The following MEGF10 variants were observed in gnomAD, a reference collection of about 807,000 sequenced individuals.
The protein encoded by MEGF10 is multiple epidermal growth factor-like domains protein 10.
In MEGF10, 86 loss-of-function variants were observed where a neutral mutation model predicts 147.5. The observed-to-expected ratio is 0.58, with a 90% CI of 0.49 to 0.70. The LOEUF (loss-of-function observed/expected upper bound fraction) is 0.70. MEGF10 is among the 30% of genes least tolerant of loss of function. The probability of loss-of-function intolerance (pLI) is 0.00; values close to 1 mark genes in which losing one functional copy is unlikely to be tolerated. For missense variants in MEGF10, 1,329 were observed against 1,487.3 expected, an observed-to-expected ratio of 0.89 and a Z score of 1.75; for synonymous variants, 478 against 525.5, an observed-to-expected ratio of 0.91 and a Z score of 1.24.
At chr5:127,423,754 A>G (rs1765110868) in intron 13 of MEGF10, among the ~76,000 whole-genome samples, 1 of 152,100 alleles carries the variant, frequency 6.6e-6, no homozygotes, top group Non-Finnish European at 1.5e-5. Context: ...ATGGCGTTAT[A>G]ATCTTTATAT....
chr5:127,424,981 A>T (rs558488411), intron 13 of MEGF10, among the ~76,000 whole-genome samples: 1 of 152,366 alleles, frequency 6.6e-6, no homozygotes, highest in South Asian at 2.1e-4. Flanking sequence ...GAGAGACCAC[A>T]TCATTTGTTT....
chr5:127,432,384 A>G (rs1475276244), intron 13 of MEGF10, among the ~76,000 whole-genome samples: 1 of 152,228 alleles, frequency 6.6e-6, no homozygotes, highest in Non-Finnish European at 1.5e-5. Context: ...CCGTCTCAGC[A>G]TCGTGGTACT....
chr5:127,362,790 TATG>T (rs1463443534), intron 4 of MEGF10, among the ~76,000 whole-genome samples: 1 of 152,260 alleles, frequency 6.6e-6, no homozygotes, highest in African/African-American at 2.4e-5. Flanking sequence ...TTATGGTTAA[TATG>T]ATTATTGATG....
At chr5:127,447,482 T>G in intron 20 of MEGF10, 75 bp from the exon 21 acceptor site, 1 of 1,598,790 alleles carries the variant, frequency 6.3e-7, no homozygotes, top group Non-Finnish European at 8.5e-7. Context: ...GGGCCTGTTT[T>G]GTTATTTTGA....
chr5:127,416,785 GGTA>G (rs959961353), intron 9 of MEGF10, among the ~76,000 whole-genome samples: 1 of 152,186 alleles, frequency 6.6e-6, no homozygotes, highest in African/African-American at 2.4e-5. Context: ...AGGCTACTTA[GGTA>G]GTGGGAGAAC....
the MEGF10 span, among the ~76,000 whole-genome samples, chr5:127,283,919 G>C: frequency 6.6e-6 from 1 of 152,134 alleles, no homozygotes; most frequent in African/African-American, 2.4e-5. Flanking sequence ...ACTAAGCTAG[G>C]GGAAATAAAC....
intron 4 of MEGF10, among the ~76,000 whole-genome samples, chr5:127,369,129 C>T (rs1056549038): frequency 5.9e-5 from 9 of 152,104 alleles, no homozygotes; most frequent in Non-Finnish European, 1.3e-4. Context: ...TTAAGTCGTT[C>T]TCACAATTAT....
the MEGF10 span, among the ~76,000 whole-genome samples, chr5:127,255,731 T>G: frequency 6.6e-6 from 1 of 152,204 alleles, no homozygotes; most frequent in African/African-American, 2.4e-5. Flanking sequence ...AATATGGATT[T>G]TGAATCCATC....
intron 1 of MEGF10, among the ~76,000 whole-genome samples, chr5:127,322,087 AT>A (rs1387054889): frequency 6.7e-6 from 1 of 148,848 alleles, no homozygotes; most frequent in South Asian, 2.2e-4. Flanking sequence ...AAAAAAAAAA[AT>A]AATAATGCTT....
intron 13 of MEGF10, among the ~76,000 whole-genome samples, chr5:127,432,269 A>G (rs6866678): frequency 0.74 from 112,489 of 152,156 alleles, 42,185 homozygotes; most frequent in Middle Eastern, 0.86. Flanking sequence ...GTACCAATTA[A>G]CAACATTCAC....
At chr5:127,407,648 A>G (rs1764384258) in intron 8 of MEGF10, among the ~76,000 whole-genome samples, 1 of 152,124 alleles carries the variant, frequency 6.6e-6, no homozygotes, top group Non-Finnish European at 1.5e-5. Context: ...TGCATTTCCT[A>G]TTTCACTGAT....
intron 2 of MEGF10, among the ~76,000 whole-genome samples, chr5:127,333,239 G>A (rs1761334841): frequency 6.6e-6 from 1 of 152,098 alleles, no homozygotes; most frequent in African/African-American, 2.4e-5. Context: ...AAAAAGGTTG[G>A]GTGCGGTGGC....
intron 13 of MEGF10, chr5:127,424,393 A>G (rs1765139436): frequency 1.3e-6 from 1 of 797,516 alleles, no homozygotes; most frequent in Non-Finnish European, 2.1e-6. Flanking sequence ...TAACATCAAT[A>G]TGTTAATTTC....
intron 16 of MEGF10, 63 bp from the exon 17 acceptor site, chr5:127,438,376 A>G: frequency 6.3e-7 from 1 of 1,576,246 alleles, no homozygotes; most frequent in Non-Finnish European, 8.7e-7. Flanking sequence ...AGGTGGATGG[A>G]ATTCTCCCTA....
rs1205969779 is a variant in MEGF10 at position 127,417,758 on chromosome 5, T to C, written c.1251T>C (p.Asn417=). ...GCCAGCAGATCTGCAGCTGCCAAAA[T>C]GGGGCAGACTGTGACAGTGTGACTG... The part of the protein sequence containing the change: ...EACQQICSCQ[N]GADCDSVTGK... Residue 417 remains asparagine, a synonymous_variant, in exon 10 of 25, where the codon AAT becomes AAC. Coordinates refer to ENST00000503335, the MANE Select transcript of MEGF10 (RefSeq NM_001256545.2). The C allele has an allele frequency of 1.2e-6, 2 of 1,614,068 alleles. No individual in the cohort carries two copies. Among genetic ancestry groups the C allele is most frequent in the East Asian group, 2.2e-5 (1 of 44,882 alleles).
At chr5:127,363,611 C>G (rs1311226326) in intron 4 of MEGF10, among the ~76,000 whole-genome samples, 1 of 152,072 alleles carries the variant, frequency 6.6e-6, no homozygotes, top group Non-Finnish European at 1.5e-5. Flanking sequence ...GGCCCTGGTA[C>G]AAGTAAGATT....
At chr5:127,440,650 G>A in intron 17 of MEGF10, 89 bp from the exon 18 acceptor site, 2 of 1,421,332 alleles carry the variant, frequency 1.4e-6, no homozygotes, top group Non-Finnish European at 9.7e-7. Context: ...TGTCATTCAA[G>A]TTTAAACACA....
At chr5:127,418,985 A>G in intron 10 of MEGF10, 135 bp from the exon 11 acceptor site, 1 of 1,133,464 alleles carries the variant, frequency 8.8e-7, no homozygotes, top group Non-Finnish European at 1.2e-6. Flanking sequence ...CATTATGACA[A>G]AATTTTAAAA....
At chr5:127,266,911 A>C in the MEGF10 span, among the ~76,000 whole-genome samples, 5 of 152,240 alleles carry the variant, frequency 3.3e-5, no homozygotes, top group African/African-American at 1.2e-4. Context: ...AATACGCTTT[A>C]TTTCTTTCTC....
Sources: allele counts gnomAD v4.1 joint callset (sites outside exome capture counted in the v4.1 genomes callset), GRCh38; gene constraint gnomAD v4.1.1; transcripts MANE v1.5; gene names NCBI Gene and HGNC (gene_info 2026-07-23, HGNC 2026-07-21).